DIAPH1: variants seen among roughly 807,000 people sequenced by gnomAD.
The protein encoded by DIAPH1 is protein diaphanous homolog 1.
Under a neutral mutation model 140.7 loss-of-function variants are expected in DIAPH1, and 46 were observed. The observed-to-expected ratio is 0.33, with a 90% CI of 0.26 to 0.42. The LOEUF is 0.42. Among genes scored for constraint, DIAPH1 ranks in the 10% least tolerant of loss-of-function variants. The probability of loss-of-function intolerance (pLI) is 1.00; values close to 1 mark genes in which losing one functional copy is unlikely to be tolerated. For synonymous variants in DIAPH1, 565 were observed against 551.6 expected, an observed-to-expected ratio of 1.02 and a Z score of -0.34; for missense variants, 1,310 against 1,558.7, an observed-to-expected ratio of 0.84 and a Z score of 2.69.
At chr5:141,541,277 C>T (rs775658721) in intron 18 of DIAPH1, among the ~76,000 whole-genome samples, 3 of 152,058 alleles carry the variant, frequency 2.0e-5, no homozygotes, top group African/African-American at 4.8e-5. Flanking sequence ...AGAACATTTA[C>T]GAAAAATTTA....
At chr5:141,519,013 G>A (rs773620815) in intron 27 of DIAPH1, 1 of 1,550,156 alleles carries the variant, frequency 6.5e-7, no homozygotes, top group Non-Finnish European at 8.7e-7. Context: ...AGAGGAGAAA[G>A]AATAGTGAAG....
intron 9 of DIAPH1, 119 bp from the exon 10 acceptor site, chr5:141,578,744 T>C: frequency 1.3e-6 from 1 of 798,194 alleles, no homozygotes; most frequent in Non-Finnish European, 2.1e-6. Flanking sequence ...ACAAAAACTC[T>C]AAAGATGACT....
intron 12 of DIAPH1, 105 bp downstream of exon 12, chr5:141,577,370 C>CT: frequency 1.1e-6 from 1 of 872,370 alleles, no homozygotes; most frequent in Non-Finnish European, 2.0e-6. Flanking sequence ...AATCTTGGGT[C>CT]TTTGTCTTTA....
intron 18 of DIAPH1, among the ~76,000 whole-genome samples, chr5:141,566,982 G>A (rs2099894484): frequency 6.6e-6 from 1 of 152,212 alleles, no homozygotes; most frequent in Non-Finnish European, 1.5e-5. Context: ...CAGGTTTCCA[G>A]TAGAGCAAAG....
chr5:141,544,892 A>G (rs900957514), intron 18 of DIAPH1, among the ~76,000 whole-genome samples: 1 of 152,218 alleles, frequency 6.6e-6, no homozygotes, highest in African/African-American at 2.4e-5. Context: ...TCTCATCCCT[A>G]GGTGTTTATC....
intron 3 of DIAPH1, 145 bp from the exon 4 acceptor site, chr5:141,584,370 G>A (rs1281799486): frequency 4.7e-6 from 3 of 633,590 alleles, no homozygotes; most frequent in Non-Finnish European, 8.5e-6. Flanking sequence ...AGAAATTTAA[G>A]CTATTACAGC....
At position 141,597,626 on chromosome 5, in the gene DIAPH1, T is replaced by C. The variant is rs995229329; in HGVS notation, c.118-9376A>G. Among the ~76,000 whole-genome samples, 98 of 152,320 alleles carry C rather than the reference T, an allele frequency of 6.4e-4. 2 individuals carry two copies. The highest frequency in any genetic ancestry group is 2.4e-4 in the Non-Finnish European group (16 of 68,028). ...CCGGGGATAAAGGTTCCAGGATGAC[T>C]GTATGTGCCAGGTACAGAGAACCAC... On this transcript the variant is annotated intron_variant, in intron 1 of 27. Coordinates refer to ENST00000389054, the MANE Select transcript of DIAPH1 (RefSeq NM_005219.5).
chr5:141,601,026 A>G (rs1303628706), intron 1 of DIAPH1, among the ~76,000 whole-genome samples: 2 of 151,988 alleles, frequency 1.3e-5, no homozygotes, highest in Non-Finnish European at 2.9e-5. Context: ...GAACTGAACA[A>G]TGAGAACACC....
rs745885817 is a variant in DIAPH1 at position 141,524,101 on chromosome 5, A to ACCCC, written c.3661+38_3661+41dup. On this transcript the variant is annotated intron_variant, in intron 27 of 27. Coordinates refer to ENST00000389054, the MANE Select transcript of DIAPH1 (RefSeq NM_005219.5). ...AGACTGGCAGGAGTAGAGAGCCCTC[A>ACCCC]CCCCCTTCGACACCCAGGATGAGCT... The ACCCC allele has an allele frequency of 5.1e-6, 8 of 1,558,102 alleles. No individual in the cohort carries two copies. The East Asian group carries it at 1.8e-4, about 35-fold the overall frequency.
intron 16 of DIAPH1, 115 bp downstream of exon 16, chr5:141,573,377 G>C (rs1181189927): frequency 7.6e-7 from 1 of 1,319,312 alleles, no homozygotes; most frequent in Non-Finnish European, 1.1e-6. Flanking sequence ...GGAGCTTGCA[G>C]TGAGCCGAGA....
intron 18 of DIAPH1, among the ~76,000 whole-genome samples, chr5:141,548,149 T>C (rs769230422): frequency 6.6e-6 from 1 of 151,650 alleles, no homozygotes; most frequent in Non-Finnish European, 1.5e-5. Flanking sequence ...CCATGAGCTA[T>C]GATTGCGCCA....
At chr5:141,593,320 A>G (rs2099898780) in intron 1 of DIAPH1, among the ~76,000 whole-genome samples, 1 of 152,188 alleles carries the variant, frequency 6.6e-6, no homozygotes, top group African/African-American at 2.4e-5. Context: ...GAGGTCTGGA[A>G]GTTTGTTCTC....
intron 27 of DIAPH1, chr5:141,518,782 A>G (rs747571551): frequency 8.6e-6 from 6 of 701,348 alleles, no homozygotes; most frequent in Admixed American, 2.3e-5. Context: ...CTTGGAACCT[A>G]AAGTTCTGGG....
chr5:141,558,588 TA>T (rs1562308724), intron 18 of DIAPH1: 1 of 152,238 alleles, frequency 6.6e-6, no homozygotes, highest in African/African-American at 2.4e-5. Flanking sequence ...CAGCTCCACC[TA>T]ACCTCACTCA....
At position 141,565,648 on chromosome 5, in the gene DIAPH1, G is replaced by A. The variant is rs1475022174; in HGVS notation, c.2482+5780C>T. ...AAAGAAAACATCCCCAACTGAGAAT[G>A]AGGATGAGGGAGGTTTGGGCTGTTG... is the stretch of plus-strand genomic sequence containing the variant. On this transcript the variant is annotated intron_variant, in intron 18 of 27. Coordinates refer to ENST00000389054, the MANE Select transcript of DIAPH1 (RefSeq NM_005219.5). This position sits in a 1 kb window ranked among gnomAD's most constrained non-coding sequence, Gnocchi z 4.3. Among the ~76,000 whole-genome samples, 1 of 152,168 alleles carries A rather than the reference G, an allele frequency of 6.6e-6. No individual in the cohort carries two copies. The highest frequency in any genetic ancestry group is 1.5e-5 in the Non-Finnish European group (1 of 68,018).
At chr5:141,584,271 C>G in intron 3 of DIAPH1, 46 bp from the exon 4 acceptor site, 1 of 1,144,268 alleles carries the variant, frequency 8.7e-7, no homozygotes, top group Non-Finnish European at 1.3e-6. Context: ...GCCTCAAATT[C>G]TTTACAAATT....
chr5:141,571,117 C>T (rs773747308), intron 18 of DIAPH1, among the ~76,000 whole-genome samples: 12 of 152,236 alleles, frequency 7.9e-5, no homozygotes, highest in Middle Eastern at 3.4e-3. Context: ...TATGTTAAGG[C>T]ACTATGAAAA....
intron 8 of DIAPH1, among the ~76,000 whole-genome samples, chr5:141,579,526 T>C (rs1213620826): frequency 6.6e-6 from 1 of 152,186 alleles, no homozygotes. Context: ...ATGTAACATA[T>C]AGTCTACTTC....
intron 1 of DIAPH1, among the ~76,000 whole-genome samples, chr5:141,591,951 G>A (rs1163488754): frequency 8.7e-5 from 13 of 150,182 alleles, no homozygotes; most frequent in Admixed American, 2.7e-4. Context: ...GTGTGGTGGC[G>A]CCTGCCTGTA....
Sources: allele counts gnomAD v4.1 joint callset (sites outside exome capture counted in the v4.1 genomes callset), GRCh38; gene constraint gnomAD v4.1.1; non-coding constraint Gnocchi (gnomAD v3.1); transcripts MANE v1.5; gene names NCBI Gene and HGNC (gene_info 2026-07-23, HGNC 2026-07-21).